The following RAB15 variants were observed in gnomAD, a reference collection of about 807,000 sequenced individuals.
The protein encoded by RAB15 is ras-related protein Rab-15.
A neutral mutation model predicts 31.8 loss-of-function variants in RAB15; 13 were observed. That is an observed-to-expected ratio of 0.41 (90% confidence interval 0.27 to 0.65). The LOEUF is 0.65. RAB15 is among the 30% of genes least tolerant of loss of function. The pLI is 0.32. For missense variants in RAB15, 220 were observed against 277.3 expected (o/e 0.79, Z 1.47); for synonymous variants, 100 against 105.6 (o/e 0.95, Z 0.33).
rs1173812048 is a variant in RAB15 at position 64,951,701 on chromosome 14, C to T, written c.186-38G>A. 4 of 1,569,036 alleles carry T rather than the reference C, an allele frequency of 2.5e-6. No homozygotes were observed. Among genetic ancestry groups the T allele is most frequent in the Non-Finnish European group, 3.5e-6 (4 of 1,138,802 alleles). ...GCCAGTCCCTCAGAGGAGCAGGGACCATGGGAACAGACGGGGAGGGGAAGA... is the reference window on the plus strand; with the variant it reads ...GCCAGTCCCTCAGAGGAGCAGGGACTATGGGAACAGACGGGGAGGGGAAGA... On this transcript the variant is annotated intron_variant, in intron 2 of 6. Transcript: ENST00000533601. This position sits in a 1 kb window ranked among gnomAD's most constrained non-coding sequence, Gnocchi z 7.2.
At chr14:64,949,727 A>C (rs1886132831) in intron 5 of RAB15, among the ~76,000 whole-genome samples, 2 of 149,844 alleles carry the variant, frequency 1.3e-5, no homozygotes, top group African/African-American at 5.0e-5. Flanking sequence ...CATCTCAAAA[A>C]AAAAAAAAAA....
In RAB15 at chr14:64,950,536, G is replaced by A. The variant is rs760672680; in HGVS notation, c.325-122C>T. On this transcript the variant is annotated intron_variant, in intron 4 of 6. Transcript: ENST00000533601. This position sits in a 1 kb window ranked among gnomAD's most constrained non-coding sequence, Gnocchi z 5.6. ...CAGAGCCCTAGGGACAGGGTGGGCCGACTGGATGCAGGTGCCAGGCTCCCC... is the reference window on the plus strand; with the variant it reads ...CAGAGCCCTAGGGACAGGGTGGGCCAACTGGATGCAGGTGCCAGGCTCCCC... 57 of 841,758 alleles carry A rather than the reference G, an allele frequency of 6.8e-5. No homozygotes were observed. The highest frequency in any genetic ancestry group is 9.8e-5 in the South Asian group (7 of 71,140). 52.1% of individuals were successfully genotyped at this position (841,758 alleles called of 1,614,324 possible).
chr14:64,953,706 A>G lies in RAB15; in HGVS notation c.125-1135T>C. The G allele has an allele frequency of 1.3e-6, 1 of 786,260 alleles. No homozygotes were observed. The highest frequency in any genetic ancestry group is 5.7e-5 in the South Asian group (1 of 17,402). 48.7% of individuals were successfully genotyped at this position (786,260 alleles called of 1,614,324 possible). ...GATGAGGGAGGTTGTTTTGCTGACC[A>G]TGCCTCTCCCCAACTCTAACTATAC... On this transcript the variant is annotated intron_variant, in intron 1 of 6. Coordinates refer to ENST00000533601, the MANE Select transcript of RAB15 (RefSeq NM_001308154.2). The surrounding 1 kb of genome is among the most constrained non-coding windows in gnomAD (Gnocchi z 4.6).
chr14:64,952,625 C>T lies in RAB15; in HGVS notation c.125-54G>A. ...AGAAAGCGTACCCACGAGAAATGAA[C>T]AGGAAAGGGCCAGGCAATCACACTT... On this transcript the variant is annotated intron_variant, in intron 1 of 6. Coordinates refer to ENST00000533601, the MANE Select transcript of RAB15 (RefSeq NM_001308154.2). The surrounding 1 kb of genome is among the most constrained non-coding windows in gnomAD (Gnocchi z 4.2). 7.6e-7 allele frequency: 1 copy of T among 1,310,610 alleles called. No individual in the cohort carries two copies. Among genetic ancestry groups the T allele is most frequent in the Middle Eastern group, 1.8e-4 (1 of 5,456 alleles). 81.2% of individuals were successfully genotyped at this position (1,310,610 alleles called of 1,614,324 possible).
chr14:64,959,190 G>A (rs1016083962), intron 1 of RAB15, among the ~76,000 whole-genome samples: 3 of 152,196 alleles, frequency 2.0e-5, no homozygotes, highest in Admixed American at 1.3e-4. Context: ...GGCTGGGGAC[G>A]GTGGATCCTA....
chr14:64,948,740 G>A lies in RAB15; in HGVS notation c.415-7C>T. ...TGCCATACTCCTTCGCCAGCTGCAA[G>A]AGAAGGACATTTCTGAAAGAGAGTC... On this transcript the variant is annotated splice_region_variant and splice_polypyrimidine_tract_variant and intron_variant, in intron 5 of 6. Transcript: ENST00000533601. The surrounding 1 kb of genome is among the most constrained non-coding windows in gnomAD (Gnocchi z 7.0). The A allele has an allele frequency of 6.2e-7, 1 of 1,612,420 alleles. No individual in the cohort carries two copies. Among genetic ancestry groups the A allele is most frequent in the Non-Finnish European group, 8.5e-7 (1 of 1,179,112 alleles).
rs984315312 is a variant in RAB15, at chr14:64,954,670, C to A, written c.125-2099G>T. ...AAAGGAAACAAGGGCTCAGAGAGGT[C>A]AATGGCTAGCCAGGGTCAGCACAGC... On this transcript the variant is annotated intron_variant, in intron 1 of 6. Coordinates refer to ENST00000533601, the MANE Select transcript of RAB15 (RefSeq NM_001308154.2). The surrounding 1 kb of genome is among the most constrained non-coding windows in gnomAD (Gnocchi z 4.3). The A allele has an allele frequency of 3.3e-6, 1 of 306,336 alleles. No homozygotes were observed. Among genetic ancestry groups the A allele is most frequent in the African/African-American group, 2.3e-5 (1 of 44,364 alleles). The allele number at this position is 306,336 out of a possible 1,614,324, so 19.0% of individuals were successfully genotyped here.
rs1885912203 is a variant in RAB15 at position 64,946,175 on chromosome 14, A to G, written c.*2179T>C. ...TGGATAGGGCCTATCAGTCTATAGA[A>G]TCCTGATTCCATGTTTTCCCTTCCA... On this transcript the variant is annotated 3_prime_UTR_variant, in exon 7 of 7. Coordinates refer to ENST00000533601, the MANE Select transcript of RAB15 (RefSeq NM_001308154.2). 6.6e-6 allele frequency: 1 copy of G among 152,242 alleles called. No individual in the cohort carries two copies. The highest frequency in any genetic ancestry group is 1.5e-5 in the Non-Finnish European group (1 of 68,036). 9.4% of individuals were successfully genotyped at this position (152,242 alleles called of 1,614,324 possible).
chr14:64,960,570 G>C (rs527743691), intron 1 of RAB15, among the ~76,000 whole-genome samples: 143 of 152,314 alleles, frequency 9.4e-4, no homozygotes, highest in African/African-American at 3.3e-3. Context: ...CACCTGTAAA[G>C]TGGGGGTGAC....
At position 64,952,560 on chromosome 14, in the gene RAB15, T is replaced by C. The variant is rs1274510537; in HGVS notation, c.136A>G (p.Lys46Glu). Reference sequence around the variant, plus strand: ...CCGTCTACCTCTATGGTCTTCATCTTAAAGTCAACACCTGAAGAAAGGAAG... The same window carrying C: ...CCGTCTACCTCTATGGTCTTCATCTCAAAGTCAACACCTGAAGAAAGGAAG... ...SHISTIGVDFKMKTIEVDGIK... is the reference protein window; with the variant it reads ...SHISTIGVDFEMKTIEVDGIK... Residue 46 changes from lysine (K) to glutamate (E), a missense_variant, in exon 2 of 7, where the codon AAG (lysine) becomes GAG (glutamate). Transcript: ENST00000533601. The surrounding 1 kb of genome is among the most constrained non-coding windows in gnomAD (Gnocchi z 4.2). The C allele has an allele frequency of 6.2e-7, 1 of 1,611,304 alleles. No homozygotes were observed. The highest frequency in any genetic ancestry group is 1.3e-5 in the African/African-American group (1 of 74,838).
Position 64,953,419 on chromosome 14 carries a change from A to G in RAB15, c.125-848T>C, listed in dbSNP as rs1407558965. ...CATGAGCTAGTGCAGGGCCGGGTAC[A>G]TGCGGGTGCTTATGAGTGACTGTCA... On this transcript the variant is annotated intron_variant, in intron 1 of 6. Transcript: ENST00000533601. The surrounding 1 kb of genome is among the most constrained non-coding windows in gnomAD (Gnocchi z 4.6). 2.0e-5 allele frequency among the ~76,000 whole-genome samples: 3 copies of G among 152,188 alleles called. No individual in the cohort carries two copies. Among genetic ancestry groups the G allele is most frequent in the Non-Finnish European group, 4.4e-5 (3 of 68,032 alleles).
rs1162201020 is a variant in RAB15, at chr14:64,952,816, G to A, written c.125-245C>T. Among the ~76,000 whole-genome samples the A allele has an allele frequency of 6.6e-5, 10 of 152,326 alleles. No homozygotes were observed. Among genetic ancestry groups the A allele is most frequent in the Admixed American group, 1.3e-4 (2 of 15,304 alleles). On this transcript the variant is annotated intron_variant, in intron 1 of 6. Coordinates refer to ENST00000533601, the MANE Select transcript of RAB15 (RefSeq NM_001308154.2). The surrounding 1 kb of genome is among the most constrained non-coding windows in gnomAD (Gnocchi z 4.2). ...AAAGGCCCTGGGGGACCCAGAGGAG[G>A]GAGAGTGAATCTGGGGAAATCTACT...
intron 1 of RAB15, among the ~76,000 whole-genome samples, chr14:64,957,086 A>G (rs1171994650): frequency 1.3e-5 from 2 of 150,456 alleles, no homozygotes; most frequent in Non-Finnish European, 3.0e-5. Context: ...GCAAGTGTGC[A>G]CCACCATGCC....
intron 1 of RAB15, among the ~76,000 whole-genome samples, chr14:64,965,559 G>C (rs1299416016): frequency 6.6e-6 from 1 of 152,182 alleles, no homozygotes. Context: ...CCTTGACAAA[G>C]CTCACTGACC....
intron 1 of RAB15, among the ~76,000 whole-genome samples, chr14:64,961,617 C>T (rs1263578130): frequency 3.9e-5 from 6 of 152,166 alleles, no homozygotes; most frequent in East Asian, 3.8e-4. Context: ...ATCATCTTAA[C>T]AGTCTCAAGC....
rs1225136749 is a variant in RAB15 at position 64,948,946 on chromosome 14, G to A, written c.415-213C>T. On this transcript the variant is annotated intron_variant, in intron 5 of 6. Coordinates refer to ENST00000533601, the MANE Select transcript of RAB15 (RefSeq NM_001308154.2). The surrounding 1 kb of genome is among the most constrained non-coding windows in gnomAD (Gnocchi z 7.0). ...ACAAATATGCCTCTCCATTCTTCCA[G>A]CTGCCACCCCACGCCTCCCAACACA... is the stretch of plus-strand genomic sequence containing the variant. Among the ~76,000 whole-genome samples the A allele has an allele frequency of 6.6e-6, 1 of 152,142 alleles. No individual in the cohort carries two copies. Among genetic ancestry groups the A allele is most frequent in the African/African-American group, 2.4e-5 (1 of 41,424 alleles).
chr14:64,966,907 G>A (rs907079641), intron 1 of RAB15, among the ~76,000 whole-genome samples: 1 of 152,160 alleles, frequency 6.6e-6, no homozygotes, highest in Admixed American at 6.6e-5. Flanking sequence ...ACGTCACACT[G>A]CATTTGCCCC....
rs1238439332 is a variant in RAB15 at position 64,951,586 on chromosome 14, C to T, written c.246+17G>A. The T allele has an allele frequency of 4.3e-6, 7 of 1,612,856 alleles. No homozygotes were observed. Among genetic ancestry groups the T allele is most frequent in the Non-Finnish European group, 5.9e-6 (7 of 1,178,882 alleles). On this transcript the variant is annotated intron_variant, in intron 3 of 6. Transcript: ENST00000533601. The surrounding 1 kb of genome is among the most constrained non-coding windows in gnomAD (Gnocchi z 7.2). ...GTGGCAGCTTCCCACTTTGAAACCC[C>T]CAATGTGGTGGCTTACCTGGGCCCG... is the stretch of plus-strand genomic sequence containing the variant.
Position 64,946,053 on chromosome 14 carries a change from A to T in RAB15, c.*2301T>A, listed in dbSNP as rs545603099. 6.6e-6 allele frequency: 1 copy of T among 152,586 alleles called. No individual in the cohort carries two copies. Among genetic ancestry groups the T allele is most frequent in the African/African-American group, 2.4e-5 (1 of 41,414 alleles). 9.5% of individuals were successfully genotyped at this position (152,586 alleles called of 1,614,324 possible). Reference sequence around the variant, plus strand: ...TGGTTAACAGTCTGGGCCTCAAGACATGCCCCAGGCCACCAAAAGTTTAGG... The same window carrying T: ...TGGTTAACAGTCTGGGCCTCAAGACTTGCCCCAGGCCACCAAAAGTTTAGG... On this transcript the variant is annotated 3_prime_UTR_variant, in exon 7 of 7. Coordinates refer to ENST00000533601, the MANE Select transcript of RAB15 (RefSeq NM_001308154.2).
Sources: allele counts gnomAD v4.1 joint callset (sites outside exome capture counted in the v4.1 genomes callset), GRCh38; gene constraint gnomAD v4.1.1; non-coding constraint Gnocchi (gnomAD v3.1); transcripts MANE v1.5; gene names NCBI Gene and HGNC (gene_info 2026-07-23, HGNC 2026-07-21).